The following DYNC1H1 variants were observed in gnomAD, a reference collection of about 807,000 sequenced individuals.
DYNC1H1 encodes cytoplasmic dynein 1 heavy chain 1.
In DYNC1H1, 51 loss-of-function variants were observed where a neutral mutation model predicts 527.1. That is an observed-to-expected ratio of 0.10 (90% CI 0.08 to 0.12). The LOEUF (loss-of-function observed/expected upper bound fraction) is 0.12, where lower values mean the gene tolerates loss of function less well. Ranked by LOEUF, DYNC1H1 falls within the 10% of genes least tolerant of loss-of-function variation. The pLI, the probability that DYNC1H1 is intolerant of heterozygous loss-of-function variation, is 1.00. For synonymous variants in DYNC1H1, 2,189 were observed against 2,278.8 expected (o/e 0.96, Z 1.12); for missense variants, 2,771 against 5,971.8 (o/e 0.46, Z 17.66).
chr14:102,016,749 T>C lies in DYNC1H1; in HGVS notation c.7615-17T>C, dbSNP rs1288724403. ...CCTTGGTTGCAGCCGGACTCACACTTCCATCTCCGTGTGTAGGTGTCCATC... is the reference window on the plus strand; with the variant it reads ...CCTTGGTTGCAGCCGGACTCACACTCCCATCTCCGTGTGTAGGTGTCCATC... On this transcript the variant is annotated splice_polypyrimidine_tract_variant and intron_variant, in intron 37 of 77. Transcript: ENST00000360184. The surrounding 1 kb of genome is among the most constrained non-coding windows in gnomAD (Gnocchi z 7.3). 6.2e-7 allele frequency: 1 copy of C among 1,612,418 alleles called. No homozygotes were observed. Among genetic ancestry groups the C allele is most frequent in the Non-Finnish European group, 8.5e-7 (1 of 1,179,440 alleles).
Position 101,965,206 on chromosome 14 carries a change from C to T in DYNC1H1, c.256+259C>T, listed in dbSNP as rs1290298801. On this transcript the variant is annotated intron_variant, in intron 1 of 77. Transcript: ENST00000360184. This position sits in a 1 kb window ranked among gnomAD's most constrained non-coding sequence, Gnocchi z 4.1. ...TGCCCGGCCCGGAGCCCCCAGGGCGCCCCGCTCCTGGTCGCGGGGAGGGGA... is the reference window on the plus strand; with the variant it reads ...TGCCCGGCCCGGAGCCCCCAGGGCGTCCCGCTCCTGGTCGCGGGGAGGGGA... Among the ~76,000 whole-genome samples the T allele has an allele frequency of 2.0e-5, 3 of 152,076 alleles. No homozygotes were observed. Among genetic ancestry groups the T allele is most frequent in the Non-Finnish European group, 2.9e-5 (2 of 67,978 alleles).
At chr14:102,035,183 T>A (rs1440802235) in intron 56 of DYNC1H1, 14 of 153,752 alleles carry the variant, frequency 9.1e-5, no homozygotes, top group Admixed American at 9.0e-4. Context: ...CAAGCCAAGA[T>A]GGTGCCACTG....
intron 69 of DYNC1H1, chr14:102,043,096 A>G: frequency 2.8e-6 from 1 of 355,782 alleles, no homozygotes; most frequent in Non-Finnish European, 5.5e-6. Flanking sequence ...AGCATGGCCA[A>G]CATGGTGAAA....
intron 56 of DYNC1H1, chr14:102,035,510 A>G (rs2048563821): frequency 6.6e-6 from 1 of 152,232 alleles, no homozygotes; most frequent in Non-Finnish European, 1.5e-5. Flanking sequence ...CCTTTGACCT[A>G]GGAGTTCCAC....
rs768985665 is a variant in DYNC1H1 at position 101,986,530 on chromosome 14, C to T, written c.2305C>T (p.His769Tyr). 3.1e-6 allele frequency: 5 copies of T among 1,614,124 alleles called. No individual in the cohort carries two copies. Among genetic ancestry groups the T allele is most frequent in the South Asian group, 1.1e-5 (1 of 91,068 alleles). ...RVPLAIVNKA[H>Y]QANQLYPFAI... Reference sequence around the variant, plus strand: ...CCCACTGGCGATTGTGAACAAAGCCCATCAAGCAAACCAGCTTTACCCGTT... The same window carrying T: ...CCCACTGGCGATTGTGAACAAAGCCTATCAAGCAAACCAGCTTTACCCGTT... Residue 769 changes from histidine (H) to tyrosine (Y), a missense_variant, in exon 8 of 78, where the codon CAT becomes TAT. Coordinates refer to ENST00000360184, the MANE Select transcript of DYNC1H1 (RefSeq NM_001376.5). The surrounding 1 kb of genome is among the most constrained non-coding windows in gnomAD (Gnocchi z 8.7).
rs781223260 is a variant in DYNC1H1, at chr14:102,041,980, C to A, written c.12103-33C>A. Reference sequence around the variant, plus strand: ...TTGACAGGTACACACTATTTGCTGGCACTGTAATAACTTCTGCCTTCTTTG... The same window carrying A: ...TTGACAGGTACACACTATTTGCTGGAACTGTAATAACTTCTGCCTTCTTTG... On this transcript the variant is annotated intron_variant, in intron 65 of 77. Transcript: ENST00000360184. This position sits in a 1 kb window ranked among gnomAD's most constrained non-coding sequence, Gnocchi z 4.5. 1.9e-5 allele frequency: 30 copies of A among 1,605,124 alleles called. No individual in the cohort carries two copies. The highest frequency in any genetic ancestry group is 2.5e-5 in the Non-Finnish European group (29 of 1,172,066).
At position 102,011,792 on chromosome 14, in the gene DYNC1H1, C is replaced by T. The variant is rs2048261828; in HGVS notation, c.6619-83C>T. 2 of 1,440,942 alleles carry T rather than the reference C, an allele frequency of 1.4e-6. No individual in the cohort carries two copies. Among genetic ancestry groups the T allele is most frequent in the Non-Finnish European group, 1.9e-6 (2 of 1,025,742 alleles). 89.3% of individuals were successfully genotyped at this position (1,440,942 alleles called of 1,614,324 possible). A position where few individuals can be genotyped will look rare whatever the true frequency, so the allele number is the denominator to read the frequency against. ...ATCCACACATAATGTTTCTTGCTCACTTTCACAAGAGGTGGCTGGGCGAGG... is the reference window on the plus strand; with the variant it reads ...ATCCACACATAATGTTTCTTGCTCATTTTCACAAGAGGTGGCTGGGCGAGG... On this transcript the variant is annotated intron_variant, in intron 32 of 77. Coordinates refer to ENST00000360184, the MANE Select transcript of DYNC1H1 (RefSeq NM_001376.5). The surrounding 1 kb of genome is among the most constrained non-coding windows in gnomAD (Gnocchi z 5.3).
chr14:102,026,108 C>CAA (rs530665556), intron 43 of DYNC1H1, among the ~76,000 whole-genome samples: 7 of 71,964 alleles, frequency 9.7e-5, no homozygotes, highest in Non-Finnish European at 1.2e-4. Context: ...AGCGAGGCTA[C>CAA]AAAAAAAAAA....
At chr14:102,008,007 G>GC (rs1199143084) in intron 28 of DYNC1H1, among the ~76,000 whole-genome samples, 171 bp from the exon 29 acceptor site, 1 of 152,182 alleles carries the variant, frequency 6.6e-6, no homozygotes, top group Non-Finnish European at 1.5e-5. Context: ...TGGATCAGCG[G>GC]CCCCAACCCT....
rs748930886 is a variant in DYNC1H1, at chr14:101,997,217, C to T, written c.3747C>T (p.Ala1249=). 50 of 1,613,822 alleles carry T rather than the reference C, an allele frequency of 3.1e-5. No individual in the cohort carries two copies. In the South Asian group the frequency reaches 4.5e-4, roughly 15 times the overall value. The part of the protein sequence containing the change: ...LQMKIVQEDR[A]VESRTTDLLT... ...TGAAGATTGTCCAGGAGGATCGGGC[C>T]GTGGAAAGCCGCACCACCGACCTGC... Residue 1249 remains alanine, a synonymous_variant, in exon 16 of 78, where the codon GCC becomes GCT. Transcript: ENST00000360184. This position sits in a 1 kb window ranked among gnomAD's most constrained non-coding sequence, Gnocchi z 4.8.
rs781664182 is a variant in DYNC1H1 at position 102,004,762 on chromosome 14, G to A, written c.5050G>A (p.Val1684Ile). The change falls in exon 25 of 78, where the codon GTT (valine) becomes ATT (isoleucine). Residue 1684 changes from valine to isoleucine, a missense_variant and splice_region_variant. Coordinates refer to ENST00000360184, the MANE Select transcript of DYNC1H1 (RefSeq NM_001376.5). ...TTTCTTAAAATTGTATTTATTTCAG[G>A]TTATGTTTAAAACTCCTGTGTCAAT... ...LGISSREGEE[V>I]MFKTPVSITE... is the part of the protein sequence containing the mutation. 6 of 1,613,964 alleles carry A rather than the reference G, an allele frequency of 3.7e-6. No homozygotes were observed. In the East Asian group the frequency reaches 1.1e-4, roughly 30 times the overall value.
In DYNC1H1 at chr14:102,044,740, A is replaced by T. The variant is rs761796774; in HGVS notation, c.13006+42A>T. On this transcript the variant is annotated intron_variant, in intron 72 of 77. Coordinates refer to ENST00000360184, the MANE Select transcript of DYNC1H1 (RefSeq NM_001376.5). This position sits in a 1 kb window ranked among gnomAD's most constrained non-coding sequence, Gnocchi z 7.1. ...CTCCCCACACGCAGGGTGGGTGGCG[A>T]GGGTCCCCTCACGCGGGGTGGGTGG... 10 of 1,397,026 alleles carry T rather than the reference A, an allele frequency of 7.2e-6. No homozygotes were observed. Among genetic ancestry groups the T allele is most frequent in the Non-Finnish European group, 2.9e-6 (3 of 1,019,846 alleles). 86.5% of individuals were successfully genotyped at this position (1,397,026 alleles called of 1,614,324 possible).
At chr14:101,973,412 G>A (rs189030904) in intron 1 of DYNC1H1, among the ~76,000 whole-genome samples, 73 of 152,052 alleles carry the variant, frequency 4.8e-4, no homozygotes, top group African/African-American at 1.7e-3. Flanking sequence ...TGCCCGCCTC[G>A]GCCTCCCAAA....
Position 102,028,010 on chromosome 14 carries a change from A to G in DYNC1H1, c.9337A>G (p.Met3113Val), listed in dbSNP as rs1046324894. ...YQVGKEFTSK[M>V]DLEKPNYIVP... ...GGTTGGCAAAGAATTCACAAGTAAG[A>G]TGGATCTGGAGAAGCCAAATTACAT... is the stretch of plus-strand genomic sequence containing the variant. The change falls in exon 48 of 78, where the codon ATG (methionine) becomes GTG (valine). Residue 3113 changes from methionine to valine, a missense_variant. Coordinates refer to ENST00000360184, the MANE Select transcript of DYNC1H1 (RefSeq NM_001376.5). 6.2e-7 allele frequency: 1 copy of G among 1,614,164 alleles called. No individual in the cohort carries two copies. Among genetic ancestry groups the G allele is most frequent in the Non-Finnish European group, 8.5e-7 (1 of 1,180,036 alleles).
At position 102,010,617 on chromosome 14, in the gene DYNC1H1, T is replaced by G; in HGVS notation, c.6406-123T>G. On this transcript the variant is annotated intron_variant, in intron 31 of 77. Transcript: ENST00000360184. This position sits in a 1 kb window ranked among gnomAD's most constrained non-coding sequence, Gnocchi z 6.0. ...TGACCCAGTGAGTCGAGTGCACGAA[T>G]GTGGGCGAGTGGTGCTCGCACCCTT... The G allele has an allele frequency of 6.7e-7, 1 of 1,500,416 alleles. No homozygotes were observed. Among genetic ancestry groups the G allele is most frequent in the Non-Finnish European group, 9.1e-7 (1 of 1,095,680 alleles). 92.9% of individuals were successfully genotyped at this position (1,500,416 alleles called of 1,614,324 possible).
In DYNC1H1 at chr14:102,001,593, G is replaced by A. The variant is rs1305558731; in HGVS notation, c.4454G>A (p.Arg1485His). 6.8e-6 allele frequency: 11 copies of A among 1,614,028 alleles called. No individual in the cohort carries two copies. Among genetic ancestry groups the A allele is most frequent in the African/African-American group, 2.7e-5 (2 of 74,894 alleles). ...TTGGTTAATTATCAGAACAAGTGCC[G>A]CTTGATCCGTGGCTGGGATGACCTC... The part of the protein sequence containing the change: ...LDLVNYQNKC[R>H]LIRGWDDLFN... The change falls in exon 21 of 78, where the codon CGC becomes CAC. Residue 1485 changes from arginine (R) to histidine (H), a missense_variant. Arg to His is a conservative substitution (Grantham distance 29). Coordinates refer to ENST00000360184, the MANE Select transcript of DYNC1H1 (RefSeq NM_001376.5). The surrounding 1 kb of genome is among the most constrained non-coding windows in gnomAD (Gnocchi z 5.0).
Position 102,044,727 on chromosome 14 carries a change from A to G in DYNC1H1, c.13006+29A>G, listed in dbSNP as rs200729026. 9.4e-6 allele frequency: 15 copies of G among 1,602,364 alleles called. No homozygotes were observed. Among genetic ancestry groups the G allele is most frequent in the African/African-American group, 6.7e-5 (5 of 74,606 alleles). On this transcript the variant is annotated intron_variant, in intron 72 of 77. Coordinates refer to ENST00000360184, the MANE Select transcript of DYNC1H1 (RefSeq NM_001376.5). The surrounding 1 kb of genome is among the most constrained non-coding windows in gnomAD (Gnocchi z 7.1). The stretch of plus-strand genomic sequence containing the variant: ...GGCAACAAGGATCCTCCCCACACGC[A>G]GGGTGGGTGGCGAGGGTCCCCTCAC...
In DYNC1H1 at chr14:102,018,641, C is replaced by G. The variant is rs1292268385; in HGVS notation, c.8343+25C>G. ...GGTACGCAGAGTTTCTTTGCTCTTC[C>G]AGAAATTGTTTTCCTCTCATAATTA... On this transcript the variant is annotated intron_variant, in intron 41 of 77. Coordinates refer to ENST00000360184, the MANE Select transcript of DYNC1H1 (RefSeq NM_001376.5). This position sits in a 1 kb window ranked among gnomAD's most constrained non-coding sequence, Gnocchi z 5.2. 10 of 1,611,948 alleles carry G rather than the reference C, an allele frequency of 6.2e-6. No homozygotes were observed. The highest frequency in any genetic ancestry group is 8.5e-6 in the Non-Finnish European group (10 of 1,179,816).
At position 102,011,853 on chromosome 14, in the gene DYNC1H1, G is replaced by A. The variant is rs1030650379; in HGVS notation, c.6619-22G>A. On this transcript the variant is annotated intron_variant, in intron 32 of 77. Transcript: ENST00000360184. The surrounding 1 kb of genome is among the most constrained non-coding windows in gnomAD (Gnocchi z 5.3). ...ATTCCTCCTCTGGGATGGTCACTGT[G>A]CTGGTCTGTTGGGCCCTGCAGGTTC... 2 of 1,613,054 alleles carry A rather than the reference G, an allele frequency of 1.2e-6. No homozygotes were observed. Among genetic ancestry groups the A allele is most frequent in the East Asian group, 4.5e-5 (2 of 44,892 alleles).
Sources: allele counts gnomAD v4.1 joint callset (sites outside exome capture counted in the v4.1 genomes callset), GRCh38; gene constraint gnomAD v4.1.1; non-coding constraint Gnocchi (gnomAD v3.1); transcripts MANE v1.5; gene names NCBI Gene and HGNC (gene_info 2026-07-23, HGNC 2026-07-21).